Variants in FCAMR observed in about 807,000 individuals in gnomAD.
The protein encoded by FCAMR is high affinity immunoglobulin alpha and immunoglobulin mu Fc receptor.
Under a neutral mutation model 52.2 loss-of-function variants are expected in FCAMR, and 51 were observed. The observed-to-expected ratio is 0.98, with a 90% CI of 0.78 to 1.23. The LOEUF (loss-of-function observed/expected upper bound fraction) is 1.23, where lower values mean the gene tolerates loss of function less well. Ranked by LOEUF, FCAMR falls within the 50% of genes most tolerant of loss-of-function variation. The pLI, the probability that FCAMR is intolerant of heterozygous loss-of-function variation, is 0.00. For missense variants in FCAMR, 719 were observed against 712.6 expected, an observed-to-expected ratio of 1.01 and a Z score of -0.10; for synonymous variants, 282 against 262.0, an observed-to-expected ratio of 1.08 and a Z score of -0.74.
Position 206,960,664 on chromosome 1 carries a change from A to T in FCAMR, c.1212T>A (p.Gly404=). Residue 404 remains glycine, a synonymous_variant, in exon 6 of 8, where the codon GGT becomes GGA. Coordinates refer to ENST00000324852, the MANE Select transcript of FCAMR (RefSeq NM_001170631.2). The stretch of plus-strand genomic sequence containing the variant: ...CAGCTGGAGTTGTTTCTCCAATGGA[A>T]CCCTGAGATTGTTGCTTAGAAACTG... ...ATPVSKQQSQ[G]SIGETTPAAG... is the part of the protein sequence containing the mutation. 1 of 1,551,984 alleles carries T rather than the reference A, an allele frequency of 6.4e-7. No individual in the cohort carries two copies. The highest frequency in any genetic ancestry group is 8.7e-7 in the Non-Finnish European group (1 of 1,147,062).
chr1:206,961,121 G>A lies in FCAMR; in HGVS notation c.755C>T (p.Thr252Ile). 1.9e-6 allele frequency: 3 copies of A among 1,551,782 alleles called. No individual in the cohort carries two copies. The highest frequency in any genetic ancestry group is 2.6e-6 in the Non-Finnish European group (3 of 1,147,016). The change falls in exon 6 of 8, where the codon ACC becomes ATC. Residue 252 changes from threonine to isoleucine, a missense_variant. Physicochemically the swap from Thr to Ile is moderately conservative, Grantham distance 89. Coordinates refer to ENST00000324852, the MANE Select transcript of FCAMR (RefSeq NM_001170631.2). ...TGTCCCCTGTCCTAAGGTCTGGGTG[G>A]TTCCTGGGGTCCATCTGTTGGCCAC... ...SPVANRWTPG[T>I]TQTLGQGTAW...
intron 1 of FCAMR, among the ~76,000 whole-genome samples, chr1:206,967,964 A>G (rs935123668): frequency 2.0e-5 from 3 of 152,208 alleles, no homozygotes; most frequent in Non-Finnish European, 2.9e-5. Context: ...ATGCACAGCT[A>G]TTGTGAACAG....
chr1:206,965,139 T>C (rs1436392143), intron 4 of FCAMR, among the ~76,000 whole-genome samples: 1 of 152,196 alleles, frequency 6.6e-6, no homozygotes. Context: ...ATATTCACAA[T>C]TACAAACAAG....
At chr1:206,967,707 G>T in intron 1 of FCAMR, 56 bp from the exon 2 acceptor site, 1 of 1,503,818 alleles carries the variant, frequency 6.6e-7, no homozygotes, top group Non-Finnish European at 9.3e-7. Flanking sequence ...TTCACTGTTA[G>T]TATGCCTCGG....
intron 4 of FCAMR, among the ~76,000 whole-genome samples, chr1:206,963,069 G>A (rs528994472): frequency 2.3e-4 from 35 of 152,328 alleles, no homozygotes; most frequent in African/African-American, 7.0e-4. Flanking sequence ...AAGGGCTCTG[G>A]TTTGCATGGA....
chr1:206,967,562 G>C, intron 2 of FCAMR, 21 bp downstream of exon 2: 5 of 1,612,396 alleles, frequency 3.1e-6, no homozygotes, highest in Non-Finnish European at 4.2e-6. Flanking sequence ...ATCTGCAAGG[G>C]GTTGTTGTTA....
At chr1:206,961,733 A>G (rs934056476) in intron 5 of FCAMR, among the ~76,000 whole-genome samples, 3 of 152,228 alleles carry the variant, frequency 2.0e-5, no homozygotes, top group African/African-American at 7.2e-5. Flanking sequence ...TGGGATCAAC[A>G]AACAGAACCT....
chr1:206,960,961 A>C lies in FCAMR; in HGVS notation c.915T>G (p.Pro305=). 2 of 1,551,988 alleles carry C rather than the reference A, an allele frequency of 1.3e-6. No individual in the cohort carries two copies. Among genetic ancestry groups the C allele is most frequent in the Non-Finnish European group, 1.7e-6 (2 of 1,147,044 alleles). ...AAGGTGGACTCTCTGGAATCGGAGC[A>C]GGTGCTTTGACAGAACCCTCTGCCC... The part of the protein sequence containing the change: ...GSWAEGSVKA[P]APIPESPPSK... Residue 305 remains proline (P), a synonymous_variant, in exon 6 of 8, where the codon CCT becomes CCG. Transcript: ENST00000324852.
intron 4 of FCAMR, among the ~76,000 whole-genome samples, chr1:206,962,907 C>A (rs1000786172): frequency 1.3e-5 from 2 of 152,222 alleles, no homozygotes; most frequent in South Asian, 4.1e-4. Flanking sequence ...GACACTCACT[C>A]ACTCAGTCAC....
intron 6 of FCAMR, 188 bp from the exon 7 acceptor site, chr1:206,959,985 C>A: frequency 1.7e-6 from 1 of 582,144 alleles, no homozygotes; most frequent in Non-Finnish European, 3.1e-6. Flanking sequence ...GGCTTCCAAG[C>A]CTGAATCCTT....
rs770173232 is a variant in FCAMR, at chr1:206,962,213, C to T, written c.652G>A (p.Gly218Ser). 4 of 1,613,694 alleles carry T rather than the reference C, an allele frequency of 2.5e-6. No individual in the cohort carries two copies. The highest frequency in any genetic ancestry group is 1.7e-5 in the Admixed American group (1 of 60,020). ...TGGCCCATCAGCCGTCAGCTCATAC[C>T]TGCAGAGATGGTCAGATTCATGCTT... ...FLSMNLTISAGPASTLPTATP... is the reference protein window; with the variant it reads ...FLSMNLTISASPASTLPTATP... The change falls in exon 5 of 8, where the codon GGT becomes AGT. Residue 218 changes from glycine to serine, a missense_variant and splice_region_variant. Physicochemically the swap from Gly to Ser is moderately conservative, Grantham distance 56 (BLOSUM62 0). Coordinates refer to ENST00000324852, the MANE Select transcript of FCAMR (RefSeq NM_001170631.2).
chr1:206,959,628 T>C, intron 7 of FCAMR, 51 bp downstream of exon 7: 1 of 1,455,354 alleles, frequency 6.9e-7, no homozygotes, highest in Non-Finnish European at 9.6e-7. Flanking sequence ...CCTGAGGGTG[T>C]CAGGTGGGAA....
rs1032024961 is a variant in FCAMR, at chr1:206,961,188, C to T, written c.688G>A (p.Ala230Thr). 3 of 1,550,954 alleles carry T rather than the reference C, an allele frequency of 1.9e-6. No homozygotes were observed. The highest frequency in any genetic ancestry group is 2.7e-5 in the African/African-American group (2 of 73,006). The part of the protein sequence containing the change: ...ASTLPTATPA[A>T]GELTMRSYGT... Reference sequence around the variant, plus strand: ...TAGGATCTCATGGTGAGCTCCCCAGCAGCTGGAGTGGCTGTGGGGAGGGTG... The same window carrying T: ...TAGGATCTCATGGTGAGCTCCCCAGTAGCTGGAGTGGCTGTGGGGAGGGTG... The change falls in exon 6 of 8, where the codon GCT becomes ACT. Residue 230 changes from alanine to threonine, a missense_variant. Physicochemically the swap from Ala to Thr is moderately conservative, Grantham distance 58. Transcript: ENST00000324852.
chr1:206,964,843 G>C (rs1226070069), intron 4 of FCAMR, among the ~76,000 whole-genome samples: 1 of 152,170 alleles, frequency 6.6e-6, no homozygotes, highest in Non-Finnish European at 1.5e-5. Context: ...AAATGAAAAT[G>C]CAGGACTTCT....
At chr1:206,963,291 T>C (rs1680580275) in intron 4 of FCAMR, among the ~76,000 whole-genome samples, 1 of 152,176 alleles carries the variant, frequency 6.6e-6, no homozygotes, top group Non-Finnish European at 1.5e-5. Flanking sequence ...ACTATGAATA[T>C]GTCTGCTTGG....
intron 4 of FCAMR, among the ~76,000 whole-genome samples, chr1:206,962,943 A>T (rs768255226): frequency 7.9e-5 from 12 of 152,216 alleles, no homozygotes; most frequent in Non-Finnish European, 1.3e-4. Context: ...TAGACAACAC[A>T]GTCCAAACTA....
intron 6 of FCAMR, 102 bp downstream of exon 6, chr1:206,960,320 T>C (rs1770384): frequency 8.1e-7 from 1 of 1,233,428 alleles, no homozygotes; most frequent in Admixed American, 2.9e-5. Context: ...GTCTTGTGGG[T>C]ACAAAGGGAG....
rs775640081 is a variant in FCAMR at position 206,958,483 on chromosome 1, C to A, written c.*33G>T. ...AAGGCCTTTGATCTTGGTCCTTCTC[C>A]CATGGTAACTGAGCAGTTCATCTCT... is the stretch of plus-strand genomic sequence containing the variant. On this transcript the variant is annotated 3_prime_UTR_variant, in exon 8 of 8. Coordinates refer to ENST00000324852, the MANE Select transcript of FCAMR (RefSeq NM_001170631.2). 1.3e-6 allele frequency: 2 copies of A among 1,582,486 alleles called. No homozygotes were observed. Among genetic ancestry groups the A allele is most frequent in the Non-Finnish European group, 1.7e-6 (2 of 1,163,350 alleles).
chr1:206,961,358 G>T (rs1219274828), intron 5 of FCAMR, 135 bp from the exon 6 acceptor site: 2 of 670,410 alleles, frequency 3.0e-6, no homozygotes, highest in Middle Eastern at 4.0e-4. Flanking sequence ...TGACCAATAG[G>T]TTGGATAAAA....
Sources: gnomAD v4.1 joint callset for allele counts (sites outside exome capture counted in the v4.1 genomes callset) on GRCh38, gnomAD v4.1.1 for gene constraint, MANE v1.5 for transcripts, NCBI Gene and HGNC (gene_info 2026-07-23, HGNC 2026-07-21) for gene names.